FARS2: variants seen among roughly 807,000 people sequenced by gnomAD.
FARS2 encodes phenylalanyl-tRNA synthetase 2, mitochondrial, also known as phenylalanine--tRNA ligase, mitochondrial.
FARS2 carries 40 observed loss-of-function variants against 46.4 expected under a neutral mutation model. That is an observed-to-expected ratio of 0.86 (90% CI 0.67 to 1.12). FARS2 has a LOEUF of 1.12. FARS2 is among the 50% of genes most tolerant of loss of function. FARS2 has a pLI of 0.00. For missense variants in FARS2, 513 were observed against 567.9 expected (o/e 0.90, Z 0.98); for synonymous variants, 234 against 214.9 (o/e 1.09, Z -0.78).
At chr6:5,459,040 G>A (rs571377987) in intron 4 of FARS2, among the ~76,000 whole-genome samples, 2 of 152,320 alleles carry the variant, frequency 1.3e-5, no homozygotes, top group South Asian at 2.1e-4. Context: ...TCCACTTGAT[G>A]TGTTGCTTTG....
At chr6:5,624,149 C>T (rs183032731) in intron 6 of FARS2, among the ~76,000 whole-genome samples, 65 of 150,356 alleles carry the variant, frequency 4.3e-4, no homozygotes, top group Non-Finnish European at 1.8e-4. Flanking sequence ...GTGGTTCAGA[C>T]AGCCGAAAAA....
upstream of FARS2, chr6:5,260,995 C>A (rs973802119): frequency 4.6e-5 from 52 of 1,118,618 alleles, no homozygotes; most frequent in African/African-American, 8.5e-4. Context: ...GCCTCCGCCC[C>A]GCCCCGATCC....
At chr6:5,345,311 G>A (rs1757159154) in intron 1 of FARS2, among the ~76,000 whole-genome samples, 1 of 152,114 alleles carries the variant, frequency 6.6e-6, no homozygotes. Flanking sequence ...GTTCCTCTTT[G>A]ATCTGCTACA....
intron 6 of FARS2, among the ~76,000 whole-genome samples, chr6:5,631,684 G>A (rs1444370013): frequency 6.6e-6 from 1 of 152,152 alleles, no homozygotes; most frequent in African/African-American, 2.4e-5. Flanking sequence ...ACCAAGTGGA[G>A]GTCGGAAATT....
At chr6:5,667,127 T>C (rs1468582869) in intron 6 of FARS2, among the ~76,000 whole-genome samples, 1 of 152,106 alleles carries the variant, frequency 6.6e-6, no homozygotes, top group Admixed American at 6.5e-5. Context: ...TGGGTGACAA[T>C]ATAATCTGAA....
intron 4 of FARS2, among the ~76,000 whole-genome samples, chr6:5,466,005 C>T (rs763637917): frequency 7.9e-5 from 12 of 152,058 alleles, no homozygotes; most frequent in Admixed American, 2.0e-4. Context: ...GTGTGTGGCC[C>T]TTAGCAGGAC....
At chr6:5,267,440 A>T (rs1160447383) in intron 1 of FARS2, among the ~76,000 whole-genome samples, 1 of 152,122 alleles carries the variant, frequency 6.6e-6, no homozygotes, top group Non-Finnish European at 1.5e-5. Context: ...TCTCTCTTCT[A>T]GGAGCTTTGC....
intron 1 of FARS2, among the ~76,000 whole-genome samples, chr6:5,293,827 T>A (rs1050813844): frequency 2.0e-5 from 3 of 152,218 alleles, no homozygotes; most frequent in Non-Finnish European, 4.4e-5. Flanking sequence ...CTGTGAAGGC[T>A]GAAGGCCAAG....
At chr6:5,626,330 G>A (rs1203117513) in intron 6 of FARS2, among the ~76,000 whole-genome samples, 1 of 152,100 alleles carries the variant, frequency 6.6e-6, no homozygotes, top group Non-Finnish European at 1.5e-5. Flanking sequence ...CTGCTGTCAT[G>A]GATCCCAGTA....
intron 2 of FARS2, among the ~76,000 whole-genome samples, chr6:5,379,267 C>T (rs2127664954): frequency 6.6e-6 from 1 of 152,300 alleles, no homozygotes; most frequent in South Asian, 2.1e-4. Flanking sequence ...ACAGCTAGCA[C>T]TGTTAACTGC....
chr6:5,351,561 A>G (rs1274618021), intron 1 of FARS2, among the ~76,000 whole-genome samples: 1 of 152,142 alleles, frequency 6.6e-6, no homozygotes, highest in African/African-American at 2.4e-5. Context: ...CCCACAACAA[A>G]CTACATTTCT....
intron 6 of FARS2, among the ~76,000 whole-genome samples, chr6:5,726,225 G>A (rs1286692612): frequency 6.6e-6 from 1 of 151,968 alleles, no homozygotes; most frequent in Non-Finnish European, 1.5e-5. Context: ...CCCTCATCAG[G>A]GGTTACAATA....
intron 1 of FARS2, among the ~76,000 whole-genome samples, chr6:5,330,521 G>C (rs1230079506): frequency 6.6e-6 from 1 of 152,132 alleles, no homozygotes; most frequent in Non-Finnish European, 1.5e-5. Context: ...ATATAGGCTA[G>C]GAGAATAACT....
chr6:5,387,582 AC>A (rs1412870461), intron 2 of FARS2, among the ~76,000 whole-genome samples: 1 of 152,238 alleles, frequency 6.6e-6, no homozygotes, highest in Non-Finnish European at 1.5e-5. Context: ...AACAGCTAAT[AC>A]TTTCTTCTCC....
At position 5,322,640 on chromosome 6, in the gene FARS2, C is replaced by T. The variant is rs140858475; in HGVS notation, c.-21-45910C>T. 1.2e-3 allele frequency among the ~76,000 whole-genome samples: 189 copies of T among 152,242 alleles called. 2 individuals carry two copies. The highest frequency in any genetic ancestry group is 4.4e-3 in the African/African-American group (183 of 41,544). ...GTGAGGGTCCTGGAGGGCTCATCTT[C>T]TTGAGTGGGACCCTTGGTGTTCTGG... On this transcript the variant is annotated intron_variant, in intron 1 of 6. Transcript: ENST00000274680.
chr6:5,479,242 T>A (rs1379741161), intron 4 of FARS2, among the ~76,000 whole-genome samples: 1 of 152,250 alleles, frequency 6.6e-6, no homozygotes, highest in Non-Finnish European at 1.5e-5. Context: ...TTACAACATT[T>A]AACATGCTGC....
At chr6:5,753,321 T>A (rs1762048991) in intron 6 of FARS2, among the ~76,000 whole-genome samples, 2 of 152,196 alleles carry the variant, frequency 1.3e-5, no homozygotes, top group Admixed American at 6.5e-5. Flanking sequence ...CGGACATTTT[T>A]CTCTAGGACT....
At chr6:5,684,119 G>GTATA (rs1737138298) in intron 6 of FARS2, among the ~76,000 whole-genome samples, 1 of 152,116 alleles carries the variant, frequency 6.6e-6, no homozygotes, top group African/African-American at 2.4e-5. Context: ...TTGTATACCT[G>GTATA]CCCGGCTTGC....
At chr6:5,395,601 A>G (rs2432786) in intron 2 of FARS2, among the ~76,000 whole-genome samples, 11,904 of 152,108 alleles carry the variant, frequency 0.078, 940 homozygotes, top group African/African-American at 0.2. Flanking sequence ...CCTCCATTTC[A>G]TCTTATTAGT....
Sources: allele counts gnomAD v4.1 joint callset (sites outside exome capture counted in the v4.1 genomes callset), GRCh38; gene constraint gnomAD v4.1.1; transcripts MANE v1.5; gene names NCBI Gene and HGNC (gene_info 2026-07-23, HGNC 2026-07-21).